Variants in GABRB1 observed in about 807,000 individuals in gnomAD.
GABRB1 encodes gamma-aminobutyric acid receptor subunit beta-1.
Under a neutral mutation model 51.6 loss-of-function variants are expected in GABRB1, and 17 were observed. The ratio of observed to expected loss-of-function variants is 0.33; its 90% CI spans 0.23 to 0.49. The LOEUF is 0.49. Among genes scored for constraint, GABRB1 ranks in the 20% least tolerant of loss-of-function variants. GABRB1 has a pLI of 0.99. For missense variants in GABRB1, 410 were observed against 600.6 expected, an observed-to-expected ratio of 0.68 and a Z score of 3.32; for synonymous variants, 247 against 218.9, an observed-to-expected ratio of 1.13 and a Z score of -1.14.
At chr4:47,165,565 T>C (rs958864494) in intron 4 of GABRB1, among the ~76,000 whole-genome samples, 5 of 152,178 alleles carry the variant, frequency 3.3e-5, no homozygotes, top group Non-Finnish European at 7.4e-5. Flanking sequence ...CTTCAGGACT[T>C]CCAAGACCCA....
intron 1 of GABRB1, among the ~76,000 whole-genome samples, chr4:47,022,325 A>G (rs1724949655): frequency 6.6e-6 from 1 of 152,048 alleles, no homozygotes; most frequent in Non-Finnish European, 1.5e-5. Context: ...ACACAATTGA[A>G]TGTTAGTTTT....
At chr4:47,277,702 G>C (rs1238879613) in intron 4 of GABRB1, among the ~76,000 whole-genome samples, 1 of 151,632 alleles carries the variant, frequency 6.6e-6, no homozygotes, top group Non-Finnish European at 1.5e-5. Context: ...AAAAGGAGAA[G>C]AAAAAACATG....
intron 3 of GABRB1, among the ~76,000 whole-genome samples, chr4:47,105,065 C>T (rs538039135): frequency 7.2e-5 from 11 of 152,082 alleles, no homozygotes; most frequent in Admixed American, 6.6e-4. Context: ...ATTATTTGTT[C>T]CAGGAAATAA....
At chr4:47,113,584 T>G (rs1203943209) in intron 3 of GABRB1, among the ~76,000 whole-genome samples, 1 of 152,176 alleles carries the variant, frequency 6.6e-6, no homozygotes, top group Non-Finnish European at 1.5e-5. Flanking sequence ...CAAGCCAACT[T>G]TGAAGGATGG....
intron 3 of GABRB1, among the ~76,000 whole-genome samples, chr4:47,151,379 C>G (rs1035660202): frequency 6.6e-6 from 1 of 152,020 alleles, no homozygotes; most frequent in African/African-American, 2.4e-5. Context: ...CATAAGACTG[C>G]CTTCCAAGGA....
chr4:47,144,897 C>T (rs1050188462), intron 3 of GABRB1, among the ~76,000 whole-genome samples: 6 of 151,770 alleles, frequency 4.0e-5, no homozygotes, highest in African/African-American at 7.2e-5. Context: ...ATCATGACCA[C>T]GCATGCCAAG....
At chr4:47,032,660 A>T (rs760787623) in intron 3 of GABRB1, 176 bp downstream of exon 3, 21 of 724,890 alleles carry the variant, frequency 2.9e-5, no homozygotes, top group Non-Finnish European at 4.3e-5. Flanking sequence ...TGTAATTTCG[A>T]CACACACGGG....
intron 2 of GABRB1, among the ~76,000 whole-genome samples, 155 bp downstream of exon 2, chr4:47,032,160 A>C (rs1401747477): frequency 5.8e-5 from 8 of 137,924 alleles, no homozygotes; most frequent in Admixed American, 4.9e-4. Flanking sequence ...ACACACACAC[A>C]CCCCGGGTCC....
At chr4:47,078,072 C>A (rs1727653543) in intron 3 of GABRB1, among the ~76,000 whole-genome samples, 1 of 148,008 alleles carries the variant, frequency 6.8e-6, no homozygotes. Flanking sequence ...TCACCGCAAC[C>A]TCTACCTTCC....
At chr4:47,058,486 G>A (rs1011094776) in intron 3 of GABRB1, among the ~76,000 whole-genome samples, 1 of 152,150 alleles carries the variant, frequency 6.6e-6, no homozygotes, top group African/African-American at 2.4e-5. Flanking sequence ...GGCCTCATGA[G>A]GTATGTCACT....
At position 47,002,272 on chromosome 4, in the gene GABRB1, G is replaced by A. The variant is rs558148834; in HGVS notation, c.-20+8346G>A. On this transcript the variant is annotated intron_variant, in intron 1 of 3. Transcript: ENST00000513567. ...ATCAACATTTACTTTACAAGCTTTG[G>A]GTAAAAAAGTAGTGAGTGAGCATAT... 5.9e-5 allele frequency among the ~76,000 whole-genome samples: 9 copies of A among 152,146 alleles called. No individual in the cohort carries two copies. In the South Asian group the frequency reaches 1.9e-3, roughly 32 times the overall value.
chr4:47,295,509 T>C (rs1160203447), intron 4 of GABRB1, among the ~76,000 whole-genome samples: 1 of 151,738 alleles, frequency 6.6e-6, no homozygotes, highest in South Asian at 2.1e-4. Flanking sequence ...AGGGTATCAG[T>C]GATGGAAGAT....
intron 5 of GABRB1, among the ~76,000 whole-genome samples, chr4:47,331,478 C>T (rs1482673826): frequency 1.3e-5 from 2 of 151,970 alleles, no homozygotes; most frequent in Non-Finnish European, 2.9e-5. Context: ...CATGGGCAAG[C>T]GGCTGTGTAG....
At chr4:47,009,386 G>T (rs1478364108) in intron 1 of GABRB1, among the ~76,000 whole-genome samples, 7 of 151,962 alleles carry the variant, frequency 4.6e-5, no homozygotes, top group African/African-American at 1.7e-4. Context: ...TAATGTATTT[G>T]CCTTACAGGC....
intron 5 of GABRB1, among the ~76,000 whole-genome samples, chr4:47,374,216 G>T (rs1727302506): frequency 6.6e-6 from 1 of 152,120 alleles, no homozygotes; most frequent in Admixed American, 6.5e-5. Context: ...GTGAAACCTG[G>T]TCTCTACAAA....
chr4:47,169,495 T>C (rs1718348695), intron 4 of GABRB1, among the ~76,000 whole-genome samples: 1 of 149,332 alleles, frequency 6.7e-6, no homozygotes, highest in African/African-American at 2.5e-5. Context: ...ACCATAAATG[T>C]GGAAGGCACT....
intron 4 of GABRB1, among the ~76,000 whole-genome samples, chr4:47,214,354 C>G (rs1160375076): frequency 6.6e-6 from 1 of 152,160 alleles, no homozygotes; most frequent in African/African-American, 2.4e-5. Flanking sequence ...GTCTCTACCT[C>G]TCAGCTCCAG....
chr4:47,069,386 C>T (rs1727218254), intron 3 of GABRB1, among the ~76,000 whole-genome samples: 1 of 152,106 alleles, frequency 6.6e-6, no homozygotes, highest in South Asian at 2.1e-4. Context: ...CTGTTCAGTC[C>T]TCCAATGAAC....
intron 3 of GABRB1, among the ~76,000 whole-genome samples, chr4:47,160,434 T>G (rs569182826): frequency 6.6e-6 from 1 of 152,260 alleles, no homozygotes; most frequent in South Asian, 2.1e-4. Context: ...AAAATCCAGA[T>G]AAGGGCAAAT....
Sources: gnomAD v4.1 joint callset for allele counts (sites outside exome capture counted in the v4.1 genomes callset) on GRCh38, gnomAD v4.1.1 for gene constraint, MANE v1.5 for transcripts, NCBI Gene and HGNC (gene_info 2026-07-23, HGNC 2026-07-21) for gene names.